The following CNTNAP2 variants were observed in gnomAD, a reference collection of about 807,000 sequenced individuals.
CNTNAP2 encodes contactin associated protein 2.
In CNTNAP2, 98 loss-of-function variants were observed where a neutral mutation model predicts 155.2. The observed-to-expected ratio is 0.63, with a 90% CI of 0.54 to 0.75. The LOEUF (loss-of-function observed/expected upper bound fraction) is 0.75. Among genes scored for constraint, CNTNAP2 ranks in the 30% least tolerant of loss-of-function variants. The pLI, the probability that CNTNAP2 is intolerant of heterozygous loss-of-function variation, is 0.00. For synonymous variants in CNTNAP2, 651 were observed against 631.2 expected (o/e 1.03, Z -0.47); for missense variants, 1,727 against 1,688.1 (o/e 1.02, Z -0.40).
intron 4 of CNTNAP2, among the ~76,000 whole-genome samples, chr7:147,091,870 T>A (rs1419396468): frequency 6.6e-6 from 1 of 152,142 alleles, no homozygotes; most frequent in African/African-American, 2.4e-5. Context: ...CCTCCCAAAG[T>A]GCTGGGATTA....
intron 1 of CNTNAP2, among the ~76,000 whole-genome samples, chr7:146,134,251 C>G (rs543052375): frequency 0.014 from 2,079 of 150,776 alleles, 40 homozygotes; most frequent in African/African-American, 0.046. Context: ...GATTTTTGTA[C>G]ATTGATTTTG....
chr7:148,287,787 C>CTTTTTTTTTTTTTT lies in CNTNAP2; in HGVS notation c.3475+20668_3475+20669insTTTTTTTTTTTTTT, dbSNP rs1230237736. Among the ~76,000 whole-genome samples the CTTTTTTTTTTTTTT allele has an allele frequency of 1.2e-4, 8 of 64,904 alleles. 2 individuals carry two copies. Among genetic ancestry groups the CTTTTTTTTTTTTTT allele is most frequent in the African/African-American group, 2.0e-4 (3 of 15,376 alleles). The allele number at this position is 64,904 out of a possible 152,430, so 42.6% of individuals were successfully genotyped here. Reference sequence around the variant, plus strand: ...GGTCTCTCTTCCTCTTTCTTTCTTTCTTTTTTTCTTTTTTTTTTTTTGAAT... The same window carrying CTTTTTTTTTTTTTT: ...GGTCTCTCTTCCTCTTTCTTTCTTTCTTTTTTTTTTTTTTTTTTTTTCTTTTTTTTTTTTTGAAT... On this transcript the variant is annotated intron_variant, in intron 21 of 23. Transcript: ENST00000361727.
At chr7:147,211,576 A>G (rs1803146893) in intron 8 of CNTNAP2, among the ~76,000 whole-genome samples, 1 of 152,042 alleles carries the variant, frequency 6.6e-6, no homozygotes, top group African/African-American at 2.4e-5. Flanking sequence ...ACAACTCCCT[A>G]TTCAACACAC....
At chr7:147,103,973 A>G (rs909347904) in intron 4 of CNTNAP2, among the ~76,000 whole-genome samples, 1 of 152,076 alleles carries the variant, frequency 6.6e-6, no homozygotes, top group African/African-American at 2.4e-5. Flanking sequence ...GAGGCATCAT[A>G]ACTAAATGCA....
intron 18 of CNTNAP2, among the ~76,000 whole-genome samples, chr7:148,215,410 A>C (rs1185205962): frequency 6.6e-6 from 1 of 152,136 alleles, no homozygotes; most frequent in Non-Finnish European, 1.5e-5. Flanking sequence ...GTAAGGTTGC[A>C]ATGGTGTTTG....
Position 146,570,884 on chromosome 7 carries a change from T to A in CNTNAP2, c.98-203387T>A, listed in dbSNP as rs201652580. 1.1e-4 allele frequency among the ~76,000 whole-genome samples: 16 copies of A among 152,174 alleles called. No homozygotes were observed. In the East Asian group the frequency reaches 2.9e-3, roughly 28 times the overall value. On this transcript the variant is annotated intron_variant, in intron 1 of 23. Transcript: ENST00000361727. Reference sequence around the variant, plus strand: ...AGAAATGAAACACTTAGGTAATAAATGAGAATTTAGTCACAAAATACTGAA... The same window carrying A: ...AGAAATGAAACACTTAGGTAATAAAAGAGAATTTAGTCACAAAATACTGAA...
At chr7:147,355,966 G>A (rs7782763) in intron 9 of CNTNAP2, among the ~76,000 whole-genome samples, 2,393 of 152,128 alleles carry the variant, frequency 0.016, 64 homozygotes, top group African/African-American at 0.054. Context: ...ACCAAAACCT[G>A]GCAGAGACAC....
intron 13 of CNTNAP2, among the ~76,000 whole-genome samples, chr7:147,830,141 C>G (rs1295921749): frequency 6.8e-6 from 1 of 147,734 alleles, no homozygotes; most frequent in Non-Finnish European, 1.5e-5. Flanking sequence ...TACGTACTGT[C>G]TCAGTCCATT....
At chr7:146,394,285 G>A (rs895735105) in intron 1 of CNTNAP2, among the ~76,000 whole-genome samples, 1 of 152,038 alleles carries the variant, frequency 6.6e-6, no homozygotes, top group Non-Finnish European at 1.5e-5. Flanking sequence ...TAGGGGAGAG[G>A]TGGGTAACTA....
intron 1 of CNTNAP2, among the ~76,000 whole-genome samples, chr7:146,290,772 C>T (rs766019208): frequency 3.3e-5 from 5 of 152,158 alleles, no homozygotes; most frequent in African/African-American, 9.7e-5. Flanking sequence ...GAAGTTCAGA[C>T]GAATGAACTG....
chr7:147,335,460 A>G (rs1413549064), intron 9 of CNTNAP2, among the ~76,000 whole-genome samples: 3 of 152,144 alleles, frequency 2.0e-5, no homozygotes, highest in African/African-American at 7.2e-5. Flanking sequence ...GAGATTGCAA[A>G]GGTTTAATTT....
In CNTNAP2 at chr7:146,947,429, T is replaced by C. The variant is rs866330613; in HGVS notation, c.403-96478T>C. On this transcript the variant is annotated intron_variant, in intron 3 of 23. Transcript: ENST00000361727. ...CTCTCTCTATATATATATATATATATACATACACACACACACACATATATC... is the reference window on the plus strand; with the variant it reads ...CTCTCTCTATATATATATATATATACACATACACACACACACACATATATC... Among the ~76,000 whole-genome samples the C allele has an allele frequency of 1.9e-3, 247 of 130,338 alleles. 1 individual carries two copies. The highest frequency in any genetic ancestry group is 5.3e-3 in the African/African-American group (189 of 35,456). The allele number at this position is 130,338 out of a possible 152,430, so 85.5% of individuals were successfully genotyped here.
At chr7:147,109,068 A>G (rs977398131) in intron 5 of CNTNAP2, among the ~76,000 whole-genome samples, 1 of 152,178 alleles carries the variant, frequency 6.6e-6, no homozygotes, top group African/African-American at 2.4e-5. Context: ...TAAGAATAGG[A>G]AGCTGTTGGA....
intron 13 of CNTNAP2, among the ~76,000 whole-genome samples, chr7:147,861,315 T>G (rs886720415): frequency 1.3e-5 from 2 of 152,210 alleles, no homozygotes; most frequent in African/African-American, 4.8e-5. Context: ...TATGAATCAT[T>G]ATATTAGTGT....
At chr7:147,473,231 T>A (rs1257121039) in intron 10 of CNTNAP2, among the ~76,000 whole-genome samples, 1 of 152,150 alleles carries the variant, frequency 6.6e-6, no homozygotes, top group African/African-American at 2.4e-5. Flanking sequence ...ATGAAAGGGA[T>A]TAGGGAAATT....
chr7:146,384,539 A>G (rs1285367792), intron 1 of CNTNAP2, among the ~76,000 whole-genome samples: 1 of 152,208 alleles, frequency 6.6e-6, no homozygotes, highest in Non-Finnish European at 1.5e-5. Context: ...TGTAAGTATT[A>G]AATTTATTAG....
chr7:146,507,518 C>A (rs1043282208), intron 1 of CNTNAP2, among the ~76,000 whole-genome samples: 2 of 152,154 alleles, frequency 1.3e-5, no homozygotes, highest in Non-Finnish European at 2.9e-5. Context: ...CCAAATGGAG[C>A]ACAAATGCTT....
At chr7:147,694,241 G>C (rs1197756421) in intron 13 of CNTNAP2, among the ~76,000 whole-genome samples, 1 of 151,916 alleles carries the variant, frequency 6.6e-6, no homozygotes, top group Non-Finnish European at 1.5e-5. Flanking sequence ...TCTATACATT[G>C]CTGGATTGGA....
chr7:147,579,849 C>G (rs1468757942), intron 12 of CNTNAP2, among the ~76,000 whole-genome samples: 1 of 152,130 alleles, frequency 6.6e-6, no homozygotes, highest in Non-Finnish European at 1.5e-5. Flanking sequence ...ATGGTACATA[C>G]ACTTGGGAAA....
Sources: allele counts gnomAD v4.1 joint callset (sites outside exome capture counted in the v4.1 genomes callset), GRCh38; gene constraint gnomAD v4.1.1; transcripts MANE v1.5; gene names NCBI Gene and HGNC (gene_info 2026-07-23, HGNC 2026-07-21).